Variants in PLA2G6 observed in about 807,000 individuals in gnomAD.
PLA2G6 encodes 85/88 kDa calcium-independent phospholipase A2.
In PLA2G6, 62 loss-of-function variants were observed where a neutral mutation model predicts 83.8. The observed-to-expected ratio is 0.74, with a 90% CI of 0.60 to 0.91. The LOEUF is 0.91. PLA2G6 is among the 40% of genes least tolerant of loss of function. The pLI is 0.00. For missense variants in PLA2G6, 944 were observed against 1,102.0 expected, an observed-to-expected ratio of 0.86 and a Z score of 2.03; for synonymous variants, 417 against 449.8, an observed-to-expected ratio of 0.93 and a Z score of 0.92.
chr22:38,128,323 G>A lies in PLA2G6; in HGVS notation c.1294C>T (p.His432Tyr). 9 of 1,613,430 alleles carry A rather than the reference G, an allele frequency of 5.6e-6. No homozygotes were observed. Among genetic ancestry groups the A allele is most frequent in the Non-Finnish European group, 7.6e-6 (9 of 1,180,026 alleles). The change falls in exon 9 of 17, where the codon CAT (histidine) becomes TAT (tyrosine). Residue 432 changes from histidine (H) to tyrosine (Y), a missense_variant. Physicochemically the swap from His to Tyr is moderately conservative, Grantham distance 83 (BLOSUM62 2). Transcript: ENST00000332509. The surrounding 1 kb of genome is among the most constrained non-coding windows in gnomAD (Gnocchi z 4.4). ...PAEQGSAAPH[H>Y]PFSLERAQPP... The stretch of plus-strand genomic sequence containing the variant: ...TGAGCTCTTTCCAGGGAGAAGGGAT[G>A]ATGTGGCGCTGCAGAGCCCTGCTCC...
At chr22:38,169,863 C>T (rs767242142) in intron 1 of PLA2G6, among the ~76,000 whole-genome samples, 1 of 152,178 alleles carries the variant, frequency 6.6e-6, no homozygotes, top group Non-Finnish European at 1.5e-5. Flanking sequence ...ATGGAGGGTT[C>T]TCACTAAATA....
intron 1 of PLA2G6, among the ~76,000 whole-genome samples, chr22:38,174,979 G>C (rs1379281819): frequency 5.9e-5 from 9 of 152,220 alleles, no homozygotes; most frequent in African/African-American, 1.9e-4. Context: ...GGTGGTGAGG[G>C]AGAACTCAGT....
chr22:38,125,004 C>T (rs975853258), intron 10 of PLA2G6, among the ~76,000 whole-genome samples: 1 of 152,216 alleles, frequency 6.6e-6, no homozygotes, highest in Non-Finnish European at 1.5e-5. Flanking sequence ...CCGCTCCAGG[C>T]AGGGTTCTGA....
Position 38,175,200 on chromosome 22 carries a change from C to T in PLA2G6, c.-45-5729G>A, listed in dbSNP as rs532626160. Among the ~76,000 whole-genome samples, 9 of 152,298 alleles carry T rather than the reference C, an allele frequency of 5.9e-5. No individual in the cohort carries two copies. The South Asian group carries it at 8.3e-4, about 14-fold the overall frequency. On this transcript the variant is annotated intron_variant, in intron 1 of 16. Coordinates refer to ENST00000332509, the MANE Select transcript of PLA2G6 (RefSeq NM_003560.4). ...CTGCACTTGCGTCCTCCCTGGAATG[C>T]GCTCTCCAGTTCCTGCTGGAGCCCC...
At chr22:38,181,627 A>C (rs2090851927) in intron 1 of PLA2G6, 37 bp downstream of exon 1, 2 of 152,344 alleles carry the variant, frequency 1.3e-5, no homozygotes, top group Non-Finnish European at 1.5e-5. Context: ...AGGTGGGGGC[A>C]CTCAGGGAGT....
intron 2 of PLA2G6, among the ~76,000 whole-genome samples, chr22:38,157,557 A>C (rs1020250522): frequency 1.3e-5 from 2 of 152,164 alleles, no homozygotes; most frequent in African/African-American, 4.8e-5. Context: ...AACCCTACTC[A>C]AACTATTATG....
At chr22:38,145,300 A>T (rs2145829556) in intron 3 of PLA2G6, 138 bp downstream of exon 3, 1 of 760,286 alleles carries the variant, frequency 1.3e-6, no homozygotes, top group East Asian at 2.7e-5. Flanking sequence ...AAGTGCTGGG[A>T]CTGCGTTAGT....
Position 38,169,357 on chromosome 22 carries a change from C to G in PLA2G6, c.70G>C (p.Val24Leu), listed in dbSNP as rs776561208. ...TAGTCGGCCACAGCCACCTCCTTCA[C>G]CCGGAATGGGTTAGAGAACAAGTTG... ...VTNLFSNPFRVKEVAVADYTS... is the reference protein window; with the variant it reads ...VTNLFSNPFRLKEVAVADYTS... Residue 24 changes from valine to leucine, a missense_variant, in exon 2 of 17, where the codon GTG (valine) becomes CTG (leucine). Coordinates refer to ENST00000332509, the MANE Select transcript of PLA2G6 (RefSeq NM_003560.4). 6 of 1,614,224 alleles carry G rather than the reference C, an allele frequency of 3.7e-6. No homozygotes were observed. Among genetic ancestry groups the G allele is most frequent in the Non-Finnish European group, 4.2e-6 (5 of 1,180,034 alleles).
chr22:38,163,727 A>G (rs756526293), intron 2 of PLA2G6: 2 of 168,802 alleles, frequency 1.2e-5, no homozygotes, highest in Non-Finnish European at 2.9e-5. Flanking sequence ...TAGGGAATAC[A>G]AGGCCCCACT....
Position 38,119,753 on chromosome 22 carries a change from C to T in PLA2G6, c.1742+1006G>A, listed in dbSNP as rs143204056. Among the ~76,000 whole-genome samples, 397 of 152,076 alleles carry T rather than the reference C, an allele frequency of 2.6e-3. 2 individuals are homozygous for T. The highest frequency in any genetic ancestry group is 8.9e-3 in the African/African-American group (370 of 41,460). On this transcript the variant is annotated intron_variant, in intron 12 of 16. Transcript: ENST00000332509. ...GCTTGAACCCAGGAGGTCGAGGCTGCAGTAAGCCGTGTTCACAGCAATATA... is the reference window on the plus strand; with the variant it reads ...GCTTGAACCCAGGAGGTCGAGGCTGTAGTAAGCCGTGTTCACAGCAATATA...
At chr22:38,134,943 G>T in intron 6 of PLA2G6, 45 bp downstream of exon 6, 1 of 1,413,776 alleles carries the variant, frequency 7.1e-7, no homozygotes, top group South Asian at 1.2e-5. Context: ...AGGACCTGCG[G>T]GGCCCGGCCC....
intron 2 of PLA2G6, among the ~76,000 whole-genome samples, chr22:38,151,181 CA>C (rs1182589840): frequency 1.3e-5 from 2 of 151,070 alleles, no homozygotes; most frequent in African/African-American, 4.9e-5. Flanking sequence ...TCTAGTCAAA[CA>C]AAAAACCCAG....
At chr22:38,175,439 C>T (rs1465992751) in intron 1 of PLA2G6, among the ~76,000 whole-genome samples, 2 of 152,094 alleles carry the variant, frequency 1.3e-5, no homozygotes, top group Non-Finnish European at 2.9e-5. Flanking sequence ...GCTGGCCCAA[C>T]TCACCCCTCC....
intron 2 of PLA2G6, among the ~76,000 whole-genome samples, chr22:38,162,223 GAA>G (rs1275564882): frequency 1.7e-4 from 17 of 99,490 alleles, no homozygotes; most frequent in African/African-American, 4.1e-4. Flanking sequence ...AAAAAAAAAA[GAA>G]AAAAAAAAAA....
At chr22:38,153,302 C>T (rs1270648289) in intron 2 of PLA2G6, among the ~76,000 whole-genome samples, 1 of 152,180 alleles carries the variant, frequency 6.6e-6, no homozygotes, top group Non-Finnish European at 1.5e-5. Context: ...CATGTGGCCG[C>T]CGCCCCGTCT....
rs1351798585 is a variant in PLA2G6, at chr22:38,123,236, C to G, written c.1450G>C (p.Asp484His). 1 of 1,559,876 alleles carries G rather than the reference C, an allele frequency of 6.4e-7. No homozygotes were observed. The highest frequency in any genetic ancestry group is 8.7e-7 in the Non-Finnish European group (1 of 1,151,576). Residue 484 changes from aspartate to histidine, a missense_variant, in exon 11 of 17, where the codon GAT becomes CAT. Transcript: ENST00000332509. The surrounding 1 kb of genome is among the most constrained non-coding windows in gnomAD (Gnocchi z 4.1). Reference sequence around the variant, plus strand: ...ATGAGGCCTTTCACTCCTCCTCCATCCAGGCACAGCAGGTGGTCGTGGCTG... The same window carrying G: ...ATGAGGCCTTTCACTCCTCCTCCATGCAGGCACAGCAGGTGGTCGTGGCTG... ...KRTHDHLLCLDGGGVKGLIII... is the reference protein window; with the variant it reads ...KRTHDHLLCLHGGGVKGLIII...
intron 2 of PLA2G6, among the ~76,000 whole-genome samples, chr22:38,158,170 CTTTTT>C (rs558539609): frequency 7.3e-6 from 1 of 136,500 alleles, no homozygotes. Flanking sequence ...TTTTTCTTTT[CTTTTT>C]TTTTTTTTTT....
chr22:38,135,136 G>A (rs758933158), intron 5 of PLA2G6, 52 bp from the exon 6 acceptor site: 46 of 1,256,998 alleles, frequency 3.7e-5, no homozygotes, highest in South Asian at 6.0e-5. Context: ...TCTGCGTGGC[G>A]TGGGATGAAG....
intron 2 of PLA2G6, chr22:38,148,569 CA>C: frequency 1.4e-6 from 1 of 717,094 alleles, no homozygotes; most frequent in Non-Finnish European, 2.6e-6. Flanking sequence ...GGCAGACGAG[CA>C]GCACCAGTAA....
Sources: gnomAD v4.1 joint callset for allele counts (sites outside exome capture counted in the v4.1 genomes callset) on GRCh38, gnomAD v4.1.1 for gene constraint, Gnocchi (gnomAD v3.1) non-coding constraint, MANE v1.5 for transcripts, NCBI Gene and HGNC (gene_info 2026-07-23, HGNC 2026-07-21) for gene names.